The following AGTPBP1 variants were observed in gnomAD, a reference collection of about 807,000 sequenced individuals.
AGTPBP1 encodes cytosolic carboxypeptidase 1.
In AGTPBP1, 70 loss-of-function variants were observed where a neutral mutation model predicts 143.9. That is an observed-to-expected ratio of 0.49 (90% CI 0.40 to 0.59). The LOEUF (loss-of-function observed/expected upper bound fraction) is 0.59, where lower values mean the gene tolerates loss of function less well. Ranked by LOEUF, AGTPBP1 falls within the 20% of genes least tolerant of loss-of-function variation. The pLI is 0.00. For synonymous variants in AGTPBP1, 463 were observed against 500.2 expected (o/e 0.93, Z 0.99); for missense variants, 1,229 against 1,464.5 (o/e 0.84, Z 2.62).
At chr9:85,634,337 G>A (rs547821841) in intron 13 of AGTPBP1, among the ~76,000 whole-genome samples, 2 of 152,084 alleles carry the variant, frequency 1.3e-5, no homozygotes, top group East Asian at 1.9e-4. Flanking sequence ...AAGCAAAGAC[G>A]GTGAGGGCAC....
chr9:85,766,134 A>C, the AGTPBP1 span, among the ~76,000 whole-genome samples: 4 of 152,076 alleles, frequency 2.6e-5, no homozygotes, highest in African/African-American at 9.7e-5. Context: ...AAGCCAAAAA[A>C]AAAAAAACCC....
chr9:85,745,548 G>T (rs534605759), upstream of AGTPBP1, among the ~76,000 whole-genome samples: 7 of 152,206 alleles, frequency 4.6e-5, no homozygotes, highest in African/African-American at 1.7e-4. Flanking sequence ...TAGTACAAAC[G>T]ACCAGAGCTG....
chr9:85,640,146 A>G (rs754871547), intron 13 of AGTPBP1, among the ~76,000 whole-genome samples: 4 of 152,256 alleles, frequency 2.6e-5, no homozygotes, highest in African/African-American at 4.8e-5. Context: ...AGATAGCTGA[A>G]GAAAATTCTT....
intron 15 of AGTPBP1, among the ~76,000 whole-genome samples, chr9:85,619,961 C>G (rs1472398540): frequency 6.6e-6 from 1 of 152,188 alleles, no homozygotes; most frequent in Admixed American, 6.5e-5. Context: ...GTTTCTACCA[C>G]TTCTGCCTGT....
In AGTPBP1 at chr9:85,632,820, A is replaced by G; in HGVS notation, c.1857T>C (p.Pro619=). Residue 619 remains proline (P), a synonymous_variant, in exon 14 of 26, where the codon CCT becomes CCC. Transcript: ENST00000357081. ...SSVEQASVEV[P]DGPTLHDPDL... ...CTGGGTCATGGAGTGTTGGTCCATC[A>G]GGTACTTCAACCGATGCTTGTTCTA... 1 of 1,614,168 alleles carries G rather than the reference A, an allele frequency of 6.2e-7. No individual in the cohort carries two copies. Among genetic ancestry groups the G allele is most frequent in the Non-Finnish European group, 8.5e-7 (1 of 1,180,016 alleles).
rs565585229 is a variant in AGTPBP1 at position 85,643,342 on chromosome 9, C to T, written c.1186-399G>A. ...TTTTACATCTATTATCTAATTTATT[C>T]TGCATAAGAACACTATGAAGTTACC... On this transcript the variant is annotated intron_variant, in intron 12 of 25. Transcript: ENST00000357081. 7.2e-5 allele frequency among the ~76,000 whole-genome samples: 11 copies of T among 152,262 alleles called. 1 individual carries two copies. The South Asian group carries it at 2.1e-3, about 29-fold the overall frequency.
At chr9:85,547,396 C>T (rs1385765173) in intron 25 of AGTPBP1, 110 bp from the exon 26 acceptor site, 1 of 922,232 alleles carries the variant, frequency 1.1e-6, no homozygotes, top group Non-Finnish European at 1.5e-6. Context: ...ATATAAGCTG[C>T]ATTAACTTTA....
At chr9:85,731,414 G>C (rs890123916) in intron 1 of AGTPBP1, among the ~76,000 whole-genome samples, 5 of 151,994 alleles carry the variant, frequency 3.3e-5, no homozygotes, top group African/African-American at 9.7e-5. Flanking sequence ...TAGTTTGGCA[G>C]GGTTTTTTTT....
intron 3 of AGTPBP1, among the ~76,000 whole-genome samples, chr9:85,691,829 T>A (rs1437878802): frequency 1.3e-5 from 2 of 152,196 alleles, no homozygotes; most frequent in African/African-American, 2.4e-5. Context: ...GGGGTTTTGA[T>A]ATCAATTTAG....
rs1829054459 is a variant in AGTPBP1, at chr9:85,592,780, G to A, written c.2424-76C>T. ...TTTTCCTTGTTACTTTTATTAAATAGAACTTCAGGGAAAAAAGAAAAACCC... is the reference window on the plus strand; with the variant it reads ...TTTTCCTTGTTACTTTTATTAAATAAAACTTCAGGGAAAAAAGAAAAACCC... On this transcript the variant is annotated intron_variant, in intron 18 of 25. Transcript: ENST00000357081. 3.3e-6 allele frequency: 5 copies of A among 1,525,504 alleles called. No individual in the cohort carries two copies. In the East Asian group the frequency reaches 9.4e-5, roughly 29 times the overall value. 94.5% of individuals were successfully genotyped at this position (1,525,504 alleles called of 1,614,324 possible).
At chr9:85,700,991 C>T (rs1316171084) in intron 2 of AGTPBP1, among the ~76,000 whole-genome samples, 39 of 152,046 alleles carry the variant, frequency 2.6e-4, no homozygotes, top group Non-Finnish European at 1.5e-5. Flanking sequence ...AATCTCGGCT[C>T]ACTGCAACCT....
chr9:85,547,041 G>C lies in AGTPBP1; in HGVS notation c.*68C>G. On this transcript the variant is annotated 3_prime_UTR_variant, in exon 26 of 26. Coordinates refer to ENST00000357081, the MANE Select transcript of AGTPBP1 (RefSeq NM_001330701.2). ...CTCTGTATAAACTCATTTCTCTCAA[G>C]CTTCCTGGGAAATAAAAACCAAGAT... 6.8e-7 allele frequency: 1 copy of C among 1,463,020 alleles called. No individual in the cohort carries two copies. Among genetic ancestry groups the C allele is most frequent in the South Asian group, 1.5e-5 (1 of 65,522 alleles). 90.6% of individuals were successfully genotyped at this position (1,463,020 alleles called of 1,614,324 possible).
At chr9:85,698,121 A>G (rs1252287166) in intron 2 of AGTPBP1, among the ~76,000 whole-genome samples, 1 of 151,928 alleles carries the variant, frequency 6.6e-6, no homozygotes, top group Non-Finnish European at 1.5e-5. Context: ...TAAAACATCT[A>G]TTCAAAAAAT....
chr9:85,628,153 G>A (rs1831417792), intron 14 of AGTPBP1, among the ~76,000 whole-genome samples: 1 of 152,136 alleles, frequency 6.6e-6, no homozygotes, highest in Non-Finnish European at 1.5e-5. Flanking sequence ...TAGTAGTCAT[G>A]GCTAAGGTGA....
chr9:85,779,118 C>T, the AGTPBP1 span, among the ~76,000 whole-genome samples: 1 of 151,418 alleles, frequency 6.6e-6, no homozygotes, highest in Non-Finnish European at 1.5e-5. Flanking sequence ...TAGAACCACT[C>T]CTGGTACCAA....
At chr9:85,740,205 T>C (rs1824156726) in intron 1 of AGTPBP1, among the ~76,000 whole-genome samples, 2 of 152,240 alleles carry the variant, frequency 1.3e-5, no homozygotes, top group African/African-American at 4.8e-5. Context: ...CTTTGCAATG[T>C]TGGCCAAATA....
intron 17 of AGTPBP1, among the ~76,000 whole-genome samples, chr9:85,609,835 T>C (rs1446452179): frequency 2.7e-5 from 4 of 145,568 alleles, no homozygotes; most frequent in Admixed American, 1.3e-4. Context: ...TTGAGTCAAA[T>C]AGGAAACCCA....
chr9:85,671,971 C>T (rs1834508258), intron 7 of AGTPBP1, among the ~76,000 whole-genome samples: 1 of 152,180 alleles, frequency 6.6e-6, no homozygotes, highest in Admixed American at 6.5e-5. Flanking sequence ...CCCTCATATT[C>T]TTCCACATCT....
At position 85,621,341 on chromosome 9, in the gene AGTPBP1, C is replaced by T. The variant is rs1352357203; in HGVS notation, c.2016-56G>A. 23 of 828,320 alleles carry T rather than the reference C, an allele frequency of 2.8e-5. No homozygotes were observed. In the East Asian group the frequency reaches 6.7e-4, roughly 24 times the overall value. The allele number at this position is 828,320 out of a possible 1,614,324, so 51.3% of individuals were successfully genotyped here. The stretch of plus-strand genomic sequence containing the variant: ...TTATTATACACTAATGTACAACTTT[C>T]TCCAAAGTAAATTTTGAATGAAAAA... On this transcript the variant is annotated intron_variant, in intron 14 of 25. Transcript: ENST00000357081.
Sources: gnomAD v4.1 joint callset for allele counts (sites outside exome capture counted in the v4.1 genomes callset) on GRCh38, gnomAD v4.1.1 for gene constraint, MANE v1.5 for transcripts, NCBI Gene and HGNC (gene_info 2026-07-23, HGNC 2026-07-21) for gene names.